NKAIN3: variants seen among roughly 807,000 people sequenced by gnomAD.
The protein encoded by NKAIN3 is sodium/potassium-transporting ATPase subunit beta-1-interacting protein 3.
A neutral mutation model predicts 30.2 loss-of-function variants in NKAIN3; 25 were observed. The observed-to-expected ratio is 0.83, with a 90% confidence interval of 0.60 to 1.16. The LOEUF is 1.16. Ranked by LOEUF, NKAIN3 falls within the 50% of genes most tolerant of loss-of-function variation. The probability of loss-of-function intolerance (pLI) is 0.00; values close to 1 mark genes in which losing one functional copy is unlikely to be tolerated. For synonymous variants in NKAIN3, 91 were observed against 89.6 expected (o/e 1.02, Z -0.09); for missense variants, 225 against 254.1 (o/e 0.89, Z 0.78).
chr8:62,492,835 C>G (rs1483399082), intron 1 of NKAIN3, among the ~76,000 whole-genome samples: 1 of 152,068 alleles, frequency 6.6e-6, no homozygotes, highest in African/African-American at 2.4e-5. Context: ...GAAGAATTGT[C>G]ACATTTCTTT....
chr8:62,268,207 A>G (rs967082951), intron 1 of NKAIN3, among the ~76,000 whole-genome samples: 1 of 152,176 alleles, frequency 6.6e-6, no homozygotes. Context: ...TACAAGCCTC[A>G]TGCTTCCACA....
At chr8:62,274,668 A>G (rs1216498169) in intron 1 of NKAIN3, among the ~76,000 whole-genome samples, 1 of 152,034 alleles carries the variant, frequency 6.6e-6, no homozygotes, top group Non-Finnish European at 1.5e-5. Flanking sequence ...ATATGTATAC[A>G]TGTGCCATGC....
At chr8:62,922,687 G>A (rs1163258516) in intron 5 of NKAIN3, among the ~76,000 whole-genome samples, 2 of 152,034 alleles carry the variant, frequency 1.3e-5, no homozygotes, top group East Asian at 1.9e-4. Context: ...CATTTCAAAG[G>A]AGCCACCACA....
chr8:62,667,317 ATATATATATATTCTT>A (rs1194235099), intron 3 of NKAIN3, among the ~76,000 whole-genome samples: 54 of 127,828 alleles, frequency 4.2e-4, no homozygotes, highest in Middle Eastern at 3.7e-3. Flanking sequence ...ATATATATTT[ATATATATATATTCTT>A]TATATATATA....
intron 5 of NKAIN3, among the ~76,000 whole-genome samples, chr8:62,919,712 AAC>A (rs2130859353): frequency 6.6e-6 from 1 of 152,300 alleles, no homozygotes; most frequent in East Asian, 1.9e-4. Flanking sequence ...TTCCTTCCAG[AAC>A]ACAACCTCAA....
At chr8:62,451,106 A>G (rs2129598856) in intron 1 of NKAIN3, among the ~76,000 whole-genome samples, 1 of 152,236 alleles carries the variant, frequency 6.6e-6, no homozygotes, top group Admixed American at 6.5e-5. Context: ...ATTTCTTTGG[A>G]GAATAGGCAG....
Position 62,249,140 on chromosome 8 carries a change from A to T in NKAIN3, c.54+13A>T. On this transcript the variant is annotated intron_variant, in intron 1 of 6. Coordinates refer to ENST00000623646, the MANE Select transcript of NKAIN3 (RefSeq NM_001304533.3). ...CGCGCTGCAGTTGGTGAGTGCCCCG[A>T]GGGCCCCTGCCCCAGGACAGGTCCC... 6.5e-7 allele frequency: 1 copy of T among 1,531,646 alleles called. No homozygotes were observed. Among genetic ancestry groups the T allele is most frequent in the Non-Finnish European group, 8.8e-7 (1 of 1,141,328 alleles). The allele number at this position is 1,531,646 out of a possible 1,614,324, so 94.9% of individuals were successfully genotyped here.
intron 5 of NKAIN3, among the ~76,000 whole-genome samples, chr8:62,951,929 A>T (rs1478247573): frequency 6.6e-6 from 1 of 152,136 alleles, no homozygotes; most frequent in Non-Finnish European, 1.5e-5. Context: ...GCCTCCGAGT[A>T]GCTGGGATTA....
intron 1 of NKAIN3, among the ~76,000 whole-genome samples, chr8:62,323,377 G>T (rs915776639): frequency 6.6e-6 from 1 of 152,174 alleles, no homozygotes; most frequent in Non-Finnish European, 1.5e-5. Context: ...TATGTGTGTA[G>T]TCAAAAATAT....
At chr8:62,284,387 T>C (rs1813302458) in intron 1 of NKAIN3, among the ~76,000 whole-genome samples, 1 of 152,076 alleles carries the variant, frequency 6.6e-6, no homozygotes, top group Non-Finnish European at 1.5e-5. Flanking sequence ...CCCAGTACTT[T>C]GGGAGGTCGA....
intron 3 of NKAIN3, among the ~76,000 whole-genome samples, chr8:62,640,802 T>G (rs1812284326): frequency 6.6e-6 from 1 of 152,078 alleles, no homozygotes; most frequent in South Asian, 2.1e-4. Context: ...ATATGTCCTC[T>G]ACTCATCGAA....
At chr8:62,362,108 A>G (rs561529763) in intron 1 of NKAIN3, among the ~76,000 whole-genome samples, 2 of 152,308 alleles carry the variant, frequency 1.3e-5, no homozygotes, top group East Asian at 3.9e-4. Flanking sequence ...AGCACCTAGT[A>G]CAGGAGCAGA....
Position 62,918,383 on chromosome 8 carries a change from A to G in NKAIN3, c.472-70A>G, listed in dbSNP as rs543157672. 3 of 1,073,574 alleles carry G rather than the reference A, an allele frequency of 2.8e-6. No individual in the cohort carries two copies. In the African/African-American group the frequency reaches 4.7e-5, roughly 17 times the overall value. 66.5% of individuals were successfully genotyped at this position (1,073,574 alleles called of 1,614,324 possible). A position where few individuals can be genotyped will look rare whatever the true frequency, so the allele number is the denominator to read the frequency against. ...GCTCATAAATATTTATCTTTATTAG[A>G]TTATATTGGCTCTTTAAGTATGGAA... On this transcript the variant is annotated intron_variant, in intron 4 of 6. Coordinates refer to ENST00000623646, the MANE Select transcript of NKAIN3 (RefSeq NM_001304533.3).
At position 62,375,376 on chromosome 8, in the gene NKAIN3, G is replaced by A. The variant is rs578229677; in HGVS notation, c.54+126249G>A. Among the ~76,000 whole-genome samples, 65 of 152,258 alleles carry A rather than the reference G, an allele frequency of 4.3e-4. No homozygotes were observed. In the South Asian group the frequency reaches 0.013, roughly 31 times the overall value. ...AAAACATGTTTGAAACCCACTGATAGCACACCCTGGAAATGAGTAAATCTG... is the reference window on the plus strand; with the variant it reads ...AAAACATGTTTGAAACCCACTGATAACACACCCTGGAAATGAGTAAATCTG... On this transcript the variant is annotated intron_variant, in intron 1 of 6. Transcript: ENST00000623646.
chr8:62,829,853 T>A lies in NKAIN3; in HGVS notation c.471+82724T>A, dbSNP rs73256992. Among the ~76,000 whole-genome samples, 221 of 152,272 alleles carry A rather than the reference T, an allele frequency of 1.5e-3. 1 individual carries two copies. The highest frequency in any genetic ancestry group is 5.1e-3 in the African/African-American group (210 of 41,574). On this transcript the variant is annotated intron_variant, in intron 4 of 6. Transcript: ENST00000623646. ...CAAACTTTTAAATTCATTAGCAATA[T>A]TAATGGCTAAACTAGACTCCCATAA...
chr8:62,779,650 G>A (rs1027788303), intron 4 of NKAIN3, among the ~76,000 whole-genome samples: 4 of 152,252 alleles, frequency 2.6e-5, no homozygotes, highest in African/African-American at 7.2e-5. Flanking sequence ...GTGCAACATT[G>A]TCAGAATATA....
intron 4 of NKAIN3, among the ~76,000 whole-genome samples, chr8:62,760,713 A>C (rs1401350570): frequency 2.6e-5 from 4 of 152,176 alleles, no homozygotes; most frequent in African/African-American, 9.7e-5. Flanking sequence ...CCAACATGGC[A>C]CATGTATACA....
chr8:62,568,254 A>G (rs1291619535), intron 1 of NKAIN3, among the ~76,000 whole-genome samples: 2 of 152,314 alleles, frequency 1.3e-5, no homozygotes, highest in East Asian at 3.9e-4. Context: ...GTATGGTCAG[A>G]GCATAAATAC....
In NKAIN3 at chr8:62,684,790, T is replaced by G. The variant is rs144694811; in HGVS notation, c.274-62142T>G. Among the ~76,000 whole-genome samples, 497 of 152,188 alleles carry G rather than the reference T, an allele frequency of 3.3e-3. 4 individuals are homozygous for G. Among genetic ancestry groups the G allele is most frequent in the African/African-American group, 0.012 (482 of 41,504 alleles). ...TAATCCACCATGATTGATGCCCTTA[T>G]GAGAAAAGGAGATTATGACACAGAC... On this transcript the variant is annotated intron_variant, in intron 3 of 6. Transcript: ENST00000623646.
Sources: gnomAD v4.1 joint callset for allele counts (sites outside exome capture counted in the v4.1 genomes callset) on GRCh38, gnomAD v4.1.1 for gene constraint, MANE v1.5 for transcripts, NCBI Gene and HGNC (gene_info 2026-07-23, HGNC 2026-07-21) for gene names.